ANKS1A: variants seen among roughly 807,000 people sequenced by gnomAD.
The protein encoded by ANKS1A is ankyrin repeat and SAM domain-containing protein 1A.
A neutral mutation model predicts 120.3 loss-of-function variants in ANKS1A; 55 were observed. That is an observed-to-expected ratio of 0.46 (90% CI 0.37 to 0.57). ANKS1A has a LOEUF of 0.57. Among genes scored for constraint, ANKS1A ranks in the 20% least tolerant of loss-of-function variants. The pLI is 0.00. For missense variants in ANKS1A, 1,123 were observed against 1,480.3 expected (o/e 0.76, Z 3.96); for synonymous variants, 590 against 604.7 (o/e 0.98, Z 0.36).
chr6:34,922,542 T>G (rs1008586929), intron 1 of ANKS1A, among the ~76,000 whole-genome samples: 1 of 152,122 alleles, frequency 6.6e-6, no homozygotes, highest in Non-Finnish European at 1.5e-5. Flanking sequence ...CTTTGCAGGA[T>G]GAAGACTTTC....
intron 8 of ANKS1A, 89 bp from the exon 9 acceptor site, chr6:34,989,135 T>G: frequency 1.6e-6 from 2 of 1,235,996 alleles, no homozygotes; most frequent in Non-Finnish European, 2.3e-6. Context: ...ATTATTTTTT[T>G]CATTTCTAAG....
At chr6:35,025,724 G>T (rs1474728965) in intron 11 of ANKS1A, among the ~76,000 whole-genome samples, 1 of 151,706 alleles carries the variant, frequency 6.6e-6, no homozygotes, top group Non-Finnish European at 1.5e-5. Context: ...TACAGGTGGA[G>T]TTAAGGATAG....
intron 11 of ANKS1A, among the ~76,000 whole-genome samples, chr6:35,046,029 T>G (rs1467568572): frequency 6.6e-6 from 1 of 152,210 alleles, no homozygotes; most frequent in African/African-American, 2.4e-5. Flanking sequence ...TTTTCTAATT[T>G]TATTTGATTT....
intron 16 of ANKS1A, 139 bp downstream of exon 16, chr6:35,080,067 A>G (rs1271417742): frequency 1.0e-6 from 1 of 987,896 alleles, no homozygotes. Context: ...AGTACAGGAG[A>G]GGAGGTTTAG....
intron 17 of ANKS1A, 150 bp downstream of exon 17, chr6:35,081,308 C>T: frequency 8.9e-7 from 1 of 1,122,464 alleles, no homozygotes; most frequent in Non-Finnish European, 1.2e-6. Flanking sequence ...CTCGCCCACA[C>T]CCAGCCGCCT....
chr6:34,983,280 T>G (rs950900339), intron 6 of ANKS1A, 44 bp from the exon 7 acceptor site: 1 of 1,612,166 alleles, frequency 6.2e-7, no homozygotes, highest in Non-Finnish European at 8.5e-7. Context: ...CATTTGTATT[T>G]GGTGCAGCAC....
At position 34,889,759 on chromosome 6, in the gene ANKS1A, C is replaced by G. The variant is rs1766706937; in HGVS notation, c.197+160C>G. ...GCCCGCGGGCCAGGGTACCGGAGGG[C>G]GCGCAGGTCCGAGTCCACGCTGCTC... On this transcript the variant is annotated intron_variant, in intron 1 of 23. Coordinates refer to ENST00000360359, the MANE Select transcript of ANKS1A (RefSeq NM_015245.3). This position sits in a 1 kb window ranked among gnomAD's most constrained non-coding sequence, Gnocchi z 5.5. Among the ~76,000 whole-genome samples the G allele has an allele frequency of 6.6e-6, 1 of 151,922 alleles. No homozygotes were observed. Among genetic ancestry groups the G allele is most frequent in the Non-Finnish European group, 1.5e-5 (1 of 67,948 alleles).
rs527807636 is a variant in ANKS1A, at chr6:34,999,520, C to T, written c.1423+5098C>T. On this transcript the variant is annotated intron_variant, in intron 10 of 23. Coordinates refer to ENST00000360359, the MANE Select transcript of ANKS1A (RefSeq NM_015245.3). Reference sequence around the variant, plus strand: ...ATGGGTCAGGAACAAATAAGCCCACCCTACTAGGAACTATGTTGAAAAATT... The same window carrying T: ...ATGGGTCAGGAACAAATAAGCCCACTCTACTAGGAACTATGTTGAAAAATT... Among the ~76,000 whole-genome samples the T allele has an allele frequency of 3.3e-5, 5 of 152,188 alleles. 1 individual carries two copies. The South Asian group carries it at 8.3e-4, about 25-fold the overall frequency.
chr6:35,022,254 T>C (rs576786842), intron 11 of ANKS1A, among the ~76,000 whole-genome samples: 1 of 152,356 alleles, frequency 6.6e-6, no homozygotes, highest in South Asian at 2.1e-4. Flanking sequence ...CAGCCTTCTC[T>C]ACAATTTGTT....
chr6:35,004,490 C>G (rs1208016317), intron 10 of ANKS1A, among the ~76,000 whole-genome samples: 1 of 152,030 alleles, frequency 6.6e-6, no homozygotes, highest in African/African-American at 2.4e-5. Context: ...TTAAAAATTA[C>G]ATTTTTATAT....
rs906893969 is a variant in ANKS1A, at chr6:35,089,701, G to T, written c.*1092G>T. On this transcript the variant is annotated 3_prime_UTR_variant, in exon 24 of 24. Transcript: ENST00000360359. ...CTTTGGGGCAGGCTGGCATCCCGGT[G>T]CGCCTCTGCTTCTTAAGCTTTCCTG... is the stretch of plus-strand genomic sequence containing the variant. 1.0e-5 allele frequency: 10 copies of T among 992,562 alleles called. No individual in the cohort carries two copies. The highest frequency in any genetic ancestry group is 9.6e-6 in the Non-Finnish European group (8 of 834,400). 61.5% of individuals were successfully genotyped at this position (992,562 alleles called of 1,614,324 possible). A position where few individuals can be genotyped will look rare whatever the true frequency, so the allele number is the denominator to read the frequency against.
Position 35,091,064 on chromosome 6 carries a change from GC to G in ANKS1A, c.*2458del. 1 of 985,916 alleles carries G rather than the reference GC, an allele frequency of 1.0e-6. No homozygotes were observed. Among genetic ancestry groups the G allele is most frequent in the African/African-American group, 1.7e-5 (1 of 57,372 alleles). The allele number at this position is 985,916 out of a possible 1,614,324, so 61.1% of individuals were successfully genotyped here. On this transcript the variant is annotated 3_prime_UTR_variant, in exon 24 of 24. Transcript: ENST00000360359. ...TCTGAATTGGGTCTGTCTTTGAGATGCCCAGGCCAGCAGAAAGCAGCTCAGA... is the reference window on the plus strand; with the variant it reads ...TCTGAATTGGGTCTGTCTTTGAGATGCCAGGCCAGCAGAAAGCAGCTCAGA...
intron 10 of ANKS1A, among the ~76,000 whole-genome samples, chr6:35,010,276 G>A (rs913849451): frequency 3.9e-5 from 6 of 152,178 alleles, no homozygotes; most frequent in Non-Finnish European, 7.3e-5. Flanking sequence ...TAGGAGCTAA[G>A]GCTGAATGTG....
intron 3 of ANKS1A, among the ~76,000 whole-genome samples, chr6:34,979,427 C>T (rs1028850212): frequency 2.0e-5 from 3 of 152,232 alleles, no homozygotes; most frequent in African/African-American, 7.2e-5. Flanking sequence ...GCTCCCTATA[C>T]TGTGTCTATG....
chr6:34,997,299 TG>T (rs1230058552), intron 10 of ANKS1A, among the ~76,000 whole-genome samples: 1 of 150,082 alleles, frequency 6.7e-6, no homozygotes, highest in Non-Finnish European at 1.5e-5. Flanking sequence ...CAGGTTCAAG[TG>T]ATTCTCCTGC....
intron 1 of ANKS1A, among the ~76,000 whole-genome samples, chr6:34,951,349 C>G (rs1770084397): frequency 6.6e-6 from 1 of 151,780 alleles, no homozygotes; most frequent in Non-Finnish European, 1.5e-5. Flanking sequence ...CCATTTGTTG[C>G]ATAAAATGAT....
rs368839668 is a variant in ANKS1A, at chr6:35,079,879, G to A, written c.2495G>A (p.Arg832Lys). Reference sequence around the variant, plus strand: ...CGCATCATCGCCTCCCTCGCAGACAGACCGTACGAGGAGCCGCCCCAGAAG... The same window carrying A: ...CGCATCATCGCCTCCCTCGCAGACAAACCGTACGAGGAGCCGCCCCAGAAG... ...RKRIIASLAD[R>K]PYEEPPQKPP... is the part of the protein sequence containing the mutation. The change falls in exon 16 of 24, where the codon AGA becomes AAA. Residue 832 changes from arginine to lysine, a missense_variant. Physicochemically the swap from Arg to Lys is conservative, Grantham distance 26 (BLOSUM62 2). Transcript: ENST00000360359. 2.6e-4 allele frequency: 408 copies of A among 1,564,472 alleles called. No individual in the cohort carries two copies. Among genetic ancestry groups the A allele is most frequent in the Non-Finnish European group, 3.4e-4 (393 of 1,154,396 alleles).
chr6:35,040,006 C>T (rs1181697990), intron 11 of ANKS1A, among the ~76,000 whole-genome samples: 2 of 152,172 alleles, frequency 1.3e-5, no homozygotes, highest in African/African-American at 2.4e-5. Flanking sequence ...TCTATATAAA[C>T]CCTACCCTCA....
At chr6:35,018,593 G>A (rs1774168001) in intron 11 of ANKS1A, among the ~76,000 whole-genome samples, 2 of 151,886 alleles carry the variant, frequency 1.3e-5, no homozygotes, top group Non-Finnish European at 2.9e-5. Context: ...TTGTTACATG[G>A]GTATATTGCA....
Sources: allele counts gnomAD v4.1 joint callset (sites outside exome capture counted in the v4.1 genomes callset), GRCh38; gene constraint gnomAD v4.1.1; non-coding constraint Gnocchi (gnomAD v3.1); transcripts MANE v1.5; gene names NCBI Gene and HGNC (gene_info 2026-07-23, HGNC 2026-07-21).